Variants in SCAMP1 observed in about 807,000 individuals in gnomAD.
The protein encoded by SCAMP1 is secretory carrier membrane protein 1.
Under a neutral mutation model 41.8 loss-of-function variants are expected in SCAMP1, and 15 were observed. That is an observed-to-expected ratio of 0.36 (90% CI 0.24 to 0.55). The LOEUF (loss-of-function observed/expected upper bound fraction) is 0.55. Ranked by LOEUF, SCAMP1 falls within the 20% of genes least tolerant of loss-of-function variation. The pLI, the probability that SCAMP1 is intolerant of heterozygous loss-of-function variation, is 0.86. For synonymous variants in SCAMP1, 135 were observed against 136.8 expected, an observed-to-expected ratio of 0.99 and a Z score of 0.09; for missense variants, 341 against 412.6, an observed-to-expected ratio of 0.83 and a Z score of 1.50.
chr5:78,371,793 A>G (rs1049768863), intron 1 of SCAMP1, among the ~76,000 whole-genome samples: 2 of 152,242 alleles, frequency 1.3e-5, no homozygotes, highest in African/African-American at 2.4e-5. Flanking sequence ...TTTATTTTAC[A>G]GAATACAGTT....
At chr5:78,460,550 C>G (rs955916592) in intron 8 of SCAMP1, among the ~76,000 whole-genome samples, 1 of 151,370 alleles carries the variant, frequency 6.6e-6, no homozygotes, top group African/African-American at 2.4e-5. Context: ...TGTCTTCATT[C>G]AAGAAGTGTC....
intron 1 of SCAMP1, among the ~76,000 whole-genome samples, chr5:78,387,106 G>GT (rs1425831642): frequency 7.2e-5 from 11 of 152,092 alleles, no homozygotes; most frequent in African/African-American, 2.7e-4. Flanking sequence ...AGGTTTGGTT[G>GT]TTAAACATAA....
At chr5:78,383,953 T>C (rs1751275518) in intron 1 of SCAMP1, among the ~76,000 whole-genome samples, 1 of 152,178 alleles carries the variant, frequency 6.6e-6, no homozygotes, top group African/African-American at 2.4e-5. Context: ...GGATTGTTTT[T>C]CTAGTTCTGT....
chr5:78,380,679 T>C (rs28562743), intron 1 of SCAMP1, among the ~76,000 whole-genome samples: 56,121 of 152,096 alleles, frequency 0.37, 12,459 homozygotes, highest in Non-Finnish European at 0.5. Flanking sequence ...GAGGTGGTAA[T>C]AATACTCGTT....
Position 78,475,730 on chromosome 5 carries a change from T to C in SCAMP1, c.*62T>C. The C allele has an allele frequency of 3.1e-6, 4 of 1,288,844 alleles. No homozygotes were observed. Among genetic ancestry groups the C allele is most frequent in the South Asian group, 3.4e-5 (2 of 58,164 alleles). 79.8% of individuals were successfully genotyped at this position (1,288,844 alleles called of 1,614,324 possible). A position where few individuals can be genotyped will look rare whatever the true frequency, so the allele number is the denominator to read the frequency against. On this transcript the variant is annotated 3_prime_UTR_variant, in exon 9 of 9. Transcript: ENST00000621999. ...ACCTTTTTCTCCAGTTACTGTATTCTACAAATATTTTTATGTTCAAAACAC... is the reference window on the plus strand; with the variant it reads ...ACCTTTTTCTCCAGTTACTGTATTCCACAAATATTTTTATGTTCAAAACAC...
intron 6 of SCAMP1, among the ~76,000 whole-genome samples, chr5:78,447,861 GC>G (rs1421497915): frequency 5.4e-4 from 6 of 11,012 alleles, no homozygotes; most frequent in Admixed American, 3.1e-3. Context: ...CTCCTCCCCT[GC>G]CCCCCTTCCC....
At chr5:78,444,584 G>A (rs1017898774) in intron 6 of SCAMP1, among the ~76,000 whole-genome samples, 1 of 152,092 alleles carries the variant, frequency 6.6e-6, no homozygotes. Flanking sequence ...AATTCTATCA[G>A]TTTCTTTTTA....
chr5:78,462,006 G>A (rs922104004), intron 8 of SCAMP1, among the ~76,000 whole-genome samples: 2 of 152,096 alleles, frequency 1.3e-5, no homozygotes, highest in African/African-American at 4.8e-5. Flanking sequence ...TAATTTGATA[G>A]GATTGTATTG....
At chr5:78,447,648 G>GA (rs1293420736) in intron 6 of SCAMP1, among the ~76,000 whole-genome samples, 1 of 150,716 alleles carries the variant, frequency 6.6e-6, no homozygotes, top group Non-Finnish European at 1.5e-5. Context: ...AAAACTCCTA[G>GA]AAAAAAACAG....
At chr5:78,445,353 T>C (rs1753028132) in intron 6 of SCAMP1, among the ~76,000 whole-genome samples, 2 of 152,230 alleles carry the variant, frequency 1.3e-5, no homozygotes, top group Admixed American at 1.3e-4. Flanking sequence ...AGTAGAGAGC[T>C]TTTATTTATG....
chr5:78,422,470 T>C (rs1752361535), intron 6 of SCAMP1, among the ~76,000 whole-genome samples: 1 of 152,238 alleles, frequency 6.6e-6, no homozygotes, highest in Admixed American at 6.5e-5. Context: ...TTTATGCTAC[T>C]AGGTTAAGTA....
At chr5:78,399,021 C>T (rs1230356372) in intron 2 of SCAMP1, among the ~76,000 whole-genome samples, 2 of 152,144 alleles carry the variant, frequency 1.3e-5, no homozygotes, top group African/African-American at 2.4e-5. Flanking sequence ...TTTTTACTGT[C>T]TCCATAGTTT....
chr5:78,364,890 G>C (rs963245929), intron 1 of SCAMP1, among the ~76,000 whole-genome samples: 1 of 120,238 alleles, frequency 8.3e-6, no homozygotes, highest in Non-Finnish European at 1.7e-5. Flanking sequence ...GTCATGGGGT[G>C]GGGGGAGGGG....
At chr5:78,413,854 G>A (rs529775690) in intron 2 of SCAMP1, among the ~76,000 whole-genome samples, 109 of 152,180 alleles carry the variant, frequency 7.2e-4, no homozygotes, top group African/African-American at 2.6e-3. Flanking sequence ...GTGTCTTCTG[G>A]TTTTAATAGT....
At chr5:78,424,048 T>G (rs1752405935) in intron 6 of SCAMP1, among the ~76,000 whole-genome samples, 1 of 152,164 alleles carries the variant, frequency 6.6e-6, no homozygotes, top group African/African-American at 2.4e-5. Flanking sequence ...TTAACCATTT[T>G]GGTCAGGCTG....
intron 1 of SCAMP1, among the ~76,000 whole-genome samples, chr5:78,373,512 A>G (rs141107302): frequency 1.3e-5 from 2 of 152,228 alleles, no homozygotes; most frequent in African/African-American, 4.8e-5. Context: ...TCTATTTTTT[A>G]AATCTTTCTT....
intron 2 of SCAMP1, among the ~76,000 whole-genome samples, chr5:78,406,834 A>G (rs1167819613): frequency 6.6e-6 from 1 of 152,210 alleles, no homozygotes. Flanking sequence ...GAGGATATAC[A>G]GCCTTGCTCT....
intron 2 of SCAMP1, among the ~76,000 whole-genome samples, chr5:78,412,490 A>C (rs777728566): frequency 2.0e-4 from 30 of 152,174 alleles, no homozygotes; most frequent in African/African-American, 7.0e-4. Context: ...GCATTTGCTG[A>C]CAACCTTTTG....
intron 2 of SCAMP1, 111 bp downstream of exon 2, chr5:78,389,025 A>G: frequency 1.8e-6 from 1 of 558,290 alleles, no homozygotes; most frequent in Non-Finnish European, 3.1e-6. Context: ...ACAAATTGTT[A>G]ATGTTTTATT....
Sources: gnomAD v4.1 joint callset for allele counts (sites outside exome capture counted in the v4.1 genomes callset) on GRCh38, gnomAD v4.1.1 for gene constraint, MANE v1.5 for transcripts, NCBI Gene and HGNC (gene_info 2026-07-23, HGNC 2026-07-21) for gene names.